PLEKHO2: variants seen among roughly 807,000 people sequenced by gnomAD.
PLEKHO2 encodes pleckstrin homology domain-containing family O member 2.
PLEKHO2 carries 20 observed loss-of-function variants against 32.7 expected under a neutral mutation model. The ratio of observed to expected loss-of-function variants is 0.61; its 90% confidence interval spans 0.43 to 0.89. PLEKHO2 has a LOEUF of 0.89. Among genes scored for constraint, PLEKHO2 ranks in the 40% least tolerant of loss-of-function variants. The pLI is 0.00. For synonymous variants in PLEKHO2, 247 were observed against 246.3 expected (o/e 1.00, Z -0.03); for missense variants, 568 against 621.2 (o/e 0.91, Z 0.91).
chr15:64,855,062 C>G, intron 3 of PLEKHO2, 25 bp downstream of exon 3: 1 of 1,538,506 alleles, frequency 6.5e-7, no homozygotes, highest in Non-Finnish European at 8.8e-7. Flanking sequence ...GCTGCTGCCC[C>G]ATCTCCCTCT....
chr15:64,852,386 T>A (rs1259477394), intron 2 of PLEKHO2, among the ~76,000 whole-genome samples: 1 of 152,224 alleles, frequency 6.6e-6, no homozygotes, highest in East Asian at 1.9e-4. Context: ...TTTAACCTGG[T>A]TGGGAGAGAT....
rs147777429 is a variant in PLEKHO2, at chr15:64,844,594, C to G, written c.12+2566C>G. Among the ~76,000 whole-genome samples the G allele has an allele frequency of 2.6e-5, 4 of 152,282 alleles. No individual in the cohort carries two copies. The East Asian group carries it at 7.7e-4, about 29-fold the overall frequency. On this transcript the variant is annotated intron_variant, in intron 1 of 5. Coordinates refer to ENST00000323544, the MANE Select transcript of PLEKHO2 (RefSeq NM_025201.5). ...CTTGCCCTCACCATCTAGAGACAAG[C>G]AGGGCAGTGTCCTGTCCCAGTACTG... is the stretch of plus-strand genomic sequence containing the variant.
rs761464424 is a variant in PLEKHO2 at position 64,854,973 on chromosome 15, A to T, written c.215A>T (p.Gln72Leu). The change falls in exon 3 of 6, where the codon CAG (glutamine) becomes CTG (leucine). Residue 72 changes from glutamine to leucine, a missense_variant. Physicochemically the swap from Gln to Leu is moderately radical, Grantham distance 113. Coordinates refer to ENST00000323544, the MANE Select transcript of PLEKHO2 (RefSeq NM_025201.5). Reference protein sequence around the residue: ...TVELGSYEKCQDLRALLKRKH... With the variant: ...TVELGSYEKCLDLRALLKRKH... ...GAGCTGGGCAGCTATGAGAAGTGCC[A>T]GGACCTTCGTGCCCTCCTCAAGCGA... 6.2e-7 allele frequency: 1 copy of T among 1,610,894 alleles called. No homozygotes were observed.
chr15:64,860,053 T>C, intron 4 of PLEKHO2, 55 bp downstream of exon 4: 1 of 1,519,090 alleles, frequency 6.6e-7, no homozygotes, highest in Non-Finnish European at 9.1e-7. Context: ...CCACTGCGTG[T>C]GATCTAGGAG....
intron 1 of PLEKHO2, 139 bp from the exon 2 acceptor site, chr15:64,848,454 G>A: frequency 1.1e-6 from 1 of 920,020 alleles, no homozygotes; most frequent in Admixed American, 2.6e-5. Context: ...TATCTGCCTT[G>A]GGGGTTGTGG....
intron 4 of PLEKHO2, 136 bp from the exon 5 acceptor site, chr15:64,861,341 C>A: frequency 1.7e-6 from 1 of 602,194 alleles, no homozygotes; most frequent in South Asian, 2.2e-5. Flanking sequence ...GTTAGAGAAG[C>A]AGAGGCCAGG....
intron 1 of PLEKHO2, among the ~76,000 whole-genome samples, chr15:64,848,115 T>G (rs989298242): frequency 1.3e-5 from 2 of 152,242 alleles, no homozygotes; most frequent in African/African-American, 4.8e-5. Flanking sequence ...GCCTTACTTT[T>G]ATTCTCCTGT....
Position 64,859,905 on chromosome 15 carries a change from C to G in PLEKHO2, c.291C>G (p.Ile97Met). Residue 97 changes from isoleucine (I) to methionine (M), a missense_variant, in exon 4 of 6, where the codon ATC (isoleucine) becomes ATG (methionine). By Grantham distance (10) the Ile-to-Met change is conservative. Coordinates refer to ENST00000323544, the MANE Select transcript of PLEKHO2 (RefSeq NM_025201.5). ...CATCTTGCCCACAGGTCAGCGACAT[C>G]AAATTCCAGGCACCCACCGGGGAGG... ...LRSPGNKVSD[I>M]KFQAPTGEEK... 6.2e-7 allele frequency: 1 copy of G among 1,614,106 alleles called. No homozygotes were observed. The highest frequency in any genetic ancestry group is 8.5e-7 in the Non-Finnish European group (1 of 1,179,988).
chr15:64,851,250 G>T (rs1364456824), intron 2 of PLEKHO2, among the ~76,000 whole-genome samples: 3 of 152,126 alleles, frequency 2.0e-5, no homozygotes, highest in Non-Finnish European at 2.9e-5. Flanking sequence ...GCAGCAGGGG[G>T]ACCTTTTTTC....
At chr15:64,853,664 C>A (rs185498442) in intron 2 of PLEKHO2, among the ~76,000 whole-genome samples, 1 of 152,218 alleles carries the variant, frequency 6.6e-6, no homozygotes, top group East Asian at 1.9e-4. Context: ...CCTTGGAGGA[C>A]CCCTCGTGCA....
At chr15:64,861,245 A>G (rs185565900) in intron 4 of PLEKHO2, among the ~76,000 whole-genome samples, 1 of 152,378 alleles carries the variant, frequency 6.6e-6, no homozygotes, top group Non-Finnish European at 1.5e-5. Flanking sequence ...CCGATGGCCC[A>G]TATTTGGGCA....
chr15:64,851,448 T>C (rs1315115304), intron 2 of PLEKHO2, among the ~76,000 whole-genome samples: 1 of 152,178 alleles, frequency 6.6e-6, no homozygotes, highest in Non-Finnish European at 1.5e-5. Flanking sequence ...CATGCTTTTT[T>C]CCCCTTGTTT....
intron 2 of PLEKHO2, among the ~76,000 whole-genome samples, chr15:64,854,128 G>A (rs2084590181): frequency 6.6e-6 from 1 of 152,210 alleles, no homozygotes; most frequent in Admixed American, 6.5e-5. Context: ...TTCCCAGGCA[G>A]CTTGCTGGAC....
chr15:64,861,671 G>C, intron 5 of PLEKHO2, 96 bp downstream of exon 5: 1 of 988,870 alleles, frequency 1.0e-6, no homozygotes, highest in Non-Finnish European at 1.4e-6. Context: ...TTTTTCCTGA[G>C]GACACCTGGA....
chr15:64,850,533 G>A (rs965140873), intron 2 of PLEKHO2, among the ~76,000 whole-genome samples: 1 of 152,248 alleles, frequency 6.6e-6, no homozygotes, highest in Non-Finnish European at 1.5e-5. Context: ...CACCTGCAGA[G>A]TGGGTTCTCT....
At chr15:64,843,845 G>T (rs2084503984) in intron 1 of PLEKHO2, among the ~76,000 whole-genome samples, 1 of 152,140 alleles carries the variant, frequency 6.6e-6, no homozygotes, top group Non-Finnish European at 1.5e-5. Context: ...CTCCGAAAGT[G>T]TTGGGGTTAC....
In PLEKHO2 at chr15:64,844,866, A is replaced by T. The variant is rs1595826763; in HGVS notation, c.12+2838A>T. On this transcript the variant is annotated intron_variant, in intron 1 of 5. Coordinates refer to ENST00000323544, the MANE Select transcript of PLEKHO2 (RefSeq NM_025201.5). ...CGGTGCATCCCTCTGGTTAAGTGCT[A>T]TGTCTCTGCCAATAGGCTGGAGCCT... Among the ~76,000 whole-genome samples the T allele has an allele frequency of 2.6e-5, 4 of 152,120 alleles. No homozygotes were observed. The South Asian group carries it at 8.3e-4, about 31-fold the overall frequency.
At chr15:64,856,566 G>C (rs1350147650) in intron 3 of PLEKHO2, among the ~76,000 whole-genome samples, 1 of 152,190 alleles carries the variant, frequency 6.6e-6, no homozygotes, top group Non-Finnish European at 1.5e-5. Flanking sequence ...TGTTTGTGCA[G>C]CTGTGTTCTC....
At chr15:64,853,540 C>G (rs778172832) in intron 2 of PLEKHO2, among the ~76,000 whole-genome samples, 1 of 152,000 alleles carries the variant, frequency 6.6e-6, no homozygotes, top group African/African-American at 2.4e-5. Flanking sequence ...GTGATCTGCC[C>G]GCCTCGGCCT....
Sources: allele counts gnomAD v4.1 joint callset (sites outside exome capture counted in the v4.1 genomes callset), GRCh38; gene constraint gnomAD v4.1.1; transcripts MANE v1.5; gene names NCBI Gene and HGNC (gene_info 2026-07-23, HGNC 2026-07-21).